CDH13: variants seen among roughly 807,000 people sequenced by gnomAD.
CDH13 encodes the protein cadherin 13, also known as cadherin-13.
In CDH13, 24 loss-of-function variants were observed where a neutral mutation model predicts 63.8. That is an observed-to-expected ratio of 0.38 (90% CI 0.27 to 0.53). The LOEUF (loss-of-function observed/expected upper bound fraction) is 0.53. Ranked by LOEUF, CDH13 falls within the 20% of genes least tolerant of loss-of-function variation. CDH13 has a pLI of 0.85. For missense variants in CDH13, 1,049 were observed against 903.1 expected (o/e 1.16, Z -2.07); for synonymous variants, 503 against 355.3 (o/e 1.42, Z -4.67).
intron 3 of CDH13, among the ~76,000 whole-genome samples, chr16:83,060,772 C>A (rs1195304606): frequency 6.6e-6 from 1 of 152,188 alleles, no homozygotes; most frequent in Non-Finnish European, 1.5e-5. Flanking sequence ...CTGTCTTATT[C>A]TGTACCTATT....
At chr16:83,388,470 C>G (rs923828896) in intron 6 of CDH13, among the ~76,000 whole-genome samples, 1 of 151,850 alleles carries the variant, frequency 6.6e-6, no homozygotes, top group Non-Finnish European at 1.5e-5. Flanking sequence ...ACATTTCTGG[C>G]TTTTTTTGAT....
chr16:83,053,141 A>G (rs1018414727), intron 3 of CDH13, among the ~76,000 whole-genome samples: 16 of 152,356 alleles, frequency 1.1e-4, no homozygotes, highest in Admixed American at 4.6e-4. Flanking sequence ...TGCCTGGAAC[A>G]TAGTAAGAAT....
At chr16:83,569,831 G>A (rs1904408842) in intron 7 of CDH13, among the ~76,000 whole-genome samples, 1 of 152,224 alleles carries the variant, frequency 6.6e-6, no homozygotes, top group East Asian at 1.9e-4. Context: ...CTGCCTCCCG[G>A]GTTCAAGTGA....
At chr16:83,295,823 A>G (rs2089580427) in intron 5 of CDH13, among the ~76,000 whole-genome samples, 1 of 152,190 alleles carries the variant, frequency 6.6e-6, no homozygotes, top group South Asian at 2.1e-4. Context: ...AGGGTTATAT[A>G]TCCAAAGAAA....
intron 2 of CDH13, among the ~76,000 whole-genome samples, chr16:83,026,220 G>C (rs1053741195): frequency 1.3e-5 from 2 of 152,194 alleles, no homozygotes; most frequent in African/African-American, 2.4e-5. Context: ...ATGCCCAAGG[G>C]GGCCATGTTG....
chr16:82,866,377 CTTTTTTTTTTTTTTT>C (rs538206338), intron 2 of CDH13, among the ~76,000 whole-genome samples: 1 of 58,298 alleles, frequency 1.7e-5, no homozygotes, highest in Admixed American at 2.7e-4. Context: ...TTTTCTTCTT[CTTTTTTTTTTTTTTT>C]TTTTTTTTTT....
chr16:82,774,948 A>G (rs1197931770), intron 1 of CDH13, among the ~76,000 whole-genome samples: 2 of 152,184 alleles, frequency 1.3e-5, no homozygotes, highest in Non-Finnish European at 2.9e-5. Flanking sequence ...AAATGCTTTG[A>G]CTTGGAAATA....
intron 1 of CDH13, among the ~76,000 whole-genome samples, chr16:82,642,056 T>G (rs1909469953): frequency 6.6e-6 from 1 of 150,768 alleles, no homozygotes; most frequent in Non-Finnish European, 1.5e-5. Context: ...CCTATGCGGT[T>G]TATTTTTGAA....
In CDH13 at chr16:83,377,249, T is replaced by C. The variant is rs544382967; in HGVS notation, c.781+32243T>C. Among the ~76,000 whole-genome samples the C allele has an allele frequency of 5.9e-5, 9 of 151,722 alleles. No homozygotes were observed. The South Asian group carries it at 1.9e-3, about 32-fold the overall frequency. On this transcript the variant is annotated intron_variant, in intron 6 of 13. Transcript: ENST00000567109. Reference sequence around the variant, plus strand: ...ATTAAACATAAAAAGGAGGGAGGGGTTTATGTTATCAGCCAATGGCAAGCA... The same window carrying C: ...ATTAAACATAAAAAGGAGGGAGGGGCTTATGTTATCAGCCAATGGCAAGCA...
chr16:83,231,511 C>T (rs889828150), intron 5 of CDH13, among the ~76,000 whole-genome samples: 4 of 152,162 alleles, frequency 2.6e-5, no homozygotes, highest in Non-Finnish European at 5.9e-5. Flanking sequence ...TGTGTTCCAG[C>T]AGGAGCTGGT....
chr16:82,771,423 G>C (rs1304252247), intron 1 of CDH13, among the ~76,000 whole-genome samples: 2 of 152,124 alleles, frequency 1.3e-5, no homozygotes, highest in Non-Finnish European at 2.9e-5. Flanking sequence ...TGTTTGTAAG[G>C]GTCTAGGTAG....
chr16:83,378,358 C>A (rs556232392), intron 6 of CDH13, among the ~76,000 whole-genome samples: 1 of 152,182 alleles, frequency 6.6e-6, no homozygotes. Flanking sequence ...AGAGGGACTT[C>A]TTGGAGAGGT....
intron 6 of CDH13, among the ~76,000 whole-genome samples, chr16:83,372,749 T>TAAAAA (rs35480546): frequency 2.1e-5 from 2 of 95,564 alleles, no homozygotes; most frequent in Non-Finnish European, 2.0e-5. Flanking sequence ...AGACTCGGTC[T>TAAAAA]AAAAAAAAAA....
chr16:83,306,177 G>C (rs1172784429), intron 5 of CDH13, among the ~76,000 whole-genome samples: 2 of 152,226 alleles, frequency 1.3e-5, no homozygotes, highest in Non-Finnish European at 2.9e-5. Flanking sequence ...CACTGGTTGA[G>C]AACTACTGTT....
intron 1 of CDH13, among the ~76,000 whole-genome samples, chr16:82,759,732 T>C (rs1334559774): frequency 5.9e-5 from 9 of 152,162 alleles, no homozygotes; most frequent in Middle Eastern, 3.4e-3. Context: ...CTCAAAAGAA[T>C]AGAGAATGGT....
At chr16:82,822,710 G>T (rs922782374) in intron 1 of CDH13, among the ~76,000 whole-genome samples, 1 of 152,190 alleles carries the variant, frequency 6.6e-6, no homozygotes, top group African/African-American at 2.4e-5. Flanking sequence ...ACCCAGGTTA[G>T]TCTTGAACTT....
chr16:83,507,496 C>A (rs1183460474), intron 7 of CDH13, among the ~76,000 whole-genome samples: 2 of 152,128 alleles, frequency 1.3e-5, no homozygotes, highest in Admixed American at 6.5e-5. Flanking sequence ...CAGTCTTTGT[C>A]CCATTCTTAA....
At chr16:82,959,269 T>C (rs919715389) in intron 2 of CDH13, among the ~76,000 whole-genome samples, 1 of 152,252 alleles carries the variant, frequency 6.6e-6, no homozygotes, top group African/African-American at 2.4e-5. Flanking sequence ...AAGCGTTGGT[T>C]ATGGCAATAT....
At chr16:83,606,666 G>A (rs780035757) in intron 8 of CDH13, among the ~76,000 whole-genome samples, 6 of 150,282 alleles carry the variant, frequency 4.0e-5, no homozygotes, top group Admixed American at 6.6e-5. Context: ...GGTCAAGACA[G>A]CAGTGAGTCA....
Sources: allele counts gnomAD v4.1 joint callset (sites outside exome capture counted in the v4.1 genomes callset), GRCh38; gene constraint gnomAD v4.1.1; transcripts MANE v1.5; gene names NCBI Gene and HGNC (gene_info 2026-07-23, HGNC 2026-07-21).